The following CASD1 variants were observed in gnomAD, a reference collection of about 807,000 sequenced individuals.
CASD1 encodes N-acetylneuraminate (7)9-O-acetyltransferase.
CASD1 carries 41 observed loss-of-function variants against 100.0 expected under a neutral mutation model. The ratio of observed to expected loss-of-function variants is 0.41; its 90% CI spans 0.32 to 0.53. The LOEUF is 0.53. Among genes scored for constraint, CASD1 ranks in the 20% least tolerant of loss-of-function variants. The pLI is 0.25. For synonymous variants in CASD1, 321 were observed against 315.6 expected, an observed-to-expected ratio of 1.02 and a Z score of -0.18; for missense variants, 774 against 948.7, an observed-to-expected ratio of 0.82 and a Z score of 2.42.
At chr7:94,591,213 G>A in the CASD1 span, among the ~76,000 whole-genome samples, 2 of 152,156 alleles carry the variant, frequency 1.3e-5, no homozygotes, top group Non-Finnish European at 2.9e-5. Flanking sequence ...GAGGGAATAA[G>A]TTCTACATTT....
intron 5 of CASD1, among the ~76,000 whole-genome samples, chr7:94,529,526 C>T (rs1794745636): frequency 6.6e-6 from 1 of 152,120 alleles, no homozygotes; most frequent in African/African-American, 2.4e-5. Flanking sequence ...TTTTCATTCA[C>T]TCAGGAGTAT....
At position 94,537,684 on chromosome 7, in the gene CASD1, A is replaced by G; in HGVS notation, c.1056A>G (p.Glu352=). ...KPCTDLESGE[E]KKNIINTPVS... is the part of the protein sequence containing the mutation. Reference sequence around the variant, plus strand: ...GTACTGATTTGGAAAGTGGAGAGGAAAAGAAAAATATTATCAATACCCCTG... The same window carrying G: ...GTACTGATTTGGAAAGTGGAGAGGAGAAGAAAAATATTATCAATACCCCTG... The change falls in exon 9 of 18, where the codon GAA becomes GAG. Residue 352 remains glutamate, a synonymous_variant. Coordinates refer to ENST00000297273, the MANE Select transcript of CASD1 (RefSeq NM_022900.5). The G allele has an allele frequency of 6.2e-7, 1 of 1,613,804 alleles. No individual in the cohort carries two copies. Among genetic ancestry groups the G allele is most frequent in the Non-Finnish European group, 8.5e-7 (1 of 1,179,804 alleles).
intron 3 of CASD1, chr7:94,524,204 C>T (rs967930994): frequency 6.6e-6 from 1 of 151,692 alleles, no homozygotes. Context: ...ATTCACATAC[C>T]TTAAGATAAA....
At chr7:94,521,384 A>G (rs865984522) in intron 3 of CASD1, among the ~76,000 whole-genome samples, 4 of 152,352 alleles carry the variant, frequency 2.6e-5, no homozygotes, top group African/African-American at 9.6e-5. Flanking sequence ...GTATAAAATA[A>G]TAATATCTTT....
At chr7:94,541,789 T>C (rs1432078634) in intron 10 of CASD1, among the ~76,000 whole-genome samples, 5 of 152,084 alleles carry the variant, frequency 3.3e-5, no homozygotes, top group African/African-American at 1.2e-4. Context: ...AATACTGTTA[T>C]ATTAAATTTC....
the CASD1 span, chr7:94,587,617 A>G: frequency 6.4e-6 from 9 of 1,397,366 alleles, no homozygotes; most frequent in African/African-American, 4.6e-5. Flanking sequence ...TCCTTCATCA[A>G]TCTCCTGAAT....
intron 3 of CASD1, among the ~76,000 whole-genome samples, chr7:94,523,072 A>G (rs1321933761): frequency 6.6e-6 from 1 of 152,234 alleles, no homozygotes; most frequent in Non-Finnish European, 1.5e-5. Flanking sequence ...TTAACCTGAT[A>G]AAAATTGTAG....
the CASD1 span, among the ~76,000 whole-genome samples, chr7:94,607,265 A>C: frequency 1.1e-4 from 17 of 152,304 alleles, no homozygotes; most frequent in South Asian, 2.3e-3. Context: ...TTCTCAGAAG[A>C]CAAAAGCCAA....
rs565284977 is a variant in CASD1, at chr7:94,556,777, A to ATT, written c.*1027_*1028dup. On this transcript the variant is annotated 3_prime_UTR_variant, in exon 18 of 18. Coordinates refer to ENST00000297273, the MANE Select transcript of CASD1 (RefSeq NM_022900.5). ...AATAAATGTTTTTGCTTTTTGTTTG[A>ATT]TTTTTTTTTACAAGCTAACTGTTAG... 1.8e-3 allele frequency: 267 copies of ATT among 151,250 alleles called. 1 individual carries two copies. The highest frequency in any genetic ancestry group is 6.3e-3 in the African/African-American group (260 of 41,268). 9.4% of individuals were successfully genotyped at this position (151,250 alleles called of 1,614,324 possible). A position where few individuals can be genotyped will look rare whatever the true frequency, so the allele number is the denominator to read the frequency against.
At chr7:94,629,325 C>T in the CASD1 span, 1 of 166,832 alleles carries the variant, frequency 6.0e-6, no homozygotes, top group Non-Finnish European at 1.3e-5. Context: ...TTTTTAAAAG[C>T]TCTTACCTAA....
chr7:94,513,287 CAAAAAAAAAA>C (rs766687618), intron 1 of CASD1, among the ~76,000 whole-genome samples: 2 of 63,844 alleles, frequency 3.1e-5, no homozygotes, highest in African/African-American at 8.7e-5. Context: ...GATCGCATCC[CAAAAAAAAAA>C]AAAAAAAAAA....
At chr7:94,603,190 A>G in the CASD1 span, 1 of 908,126 alleles carries the variant, frequency 1.1e-6, no homozygotes, top group East Asian at 2.6e-5. Context: ...GTTAAAGTAA[A>G]CCTAGGATTT....
chr7:94,513,197 G>A (rs989467431), intron 1 of CASD1, among the ~76,000 whole-genome samples: 40 of 150,724 alleles, frequency 2.7e-4, no homozygotes, highest in African/African-American at 9.6e-4. Context: ...GTGGTGGCGG[G>A]CACCTGAATC....
chr7:94,614,129 A>C, the CASD1 span, among the ~76,000 whole-genome samples: 11 of 151,290 alleles, frequency 7.3e-5, no homozygotes, highest in South Asian at 2.1e-4. Flanking sequence ...AAAAAAAAAA[A>C]ACACAGTAAA....
At chr7:94,518,087 G>C (rs1377086842) in intron 2 of CASD1, 116 bp from the exon 3 acceptor site, 3 of 1,006,626 alleles carry the variant, frequency 3.0e-6, no homozygotes, top group Non-Finnish European at 4.3e-6. Flanking sequence ...TGCTTATAAA[G>C]CAATATAATG....
At chr7:94,586,087 A>C in the CASD1 span, among the ~76,000 whole-genome samples, 6 of 145,486 alleles carry the variant, frequency 4.1e-5, no homozygotes, top group East Asian at 6.1e-4. Context: ...AAAAAAAAAA[A>C]CAACAACTTC....
chr7:94,579,051 A>G, the CASD1 span, among the ~76,000 whole-genome samples: 1 of 152,018 alleles, frequency 6.6e-6, no homozygotes, highest in African/African-American at 2.4e-5. Context: ...CTTAGCACCA[A>G]CTAGTACCAG....
the CASD1 span, chr7:94,600,663 G>A: frequency 1.2e-6 from 2 of 1,613,084 alleles, no homozygotes; most frequent in Non-Finnish European, 1.7e-6. Context: ...CCCGTCGGCA[G>A]CACATGATAT....
intron 6 of CASD1, 118 bp downstream of exon 6, chr7:94,533,367 CTATTA>C: frequency 1.4e-6 from 1 of 735,010 alleles, no homozygotes; most frequent in Admixed American, 2.7e-5. Flanking sequence ...ATTCCTACTT[CTATTA>C]TGATTAGATT....
Sources: gnomAD v4.1 joint callset for allele counts (sites outside exome capture counted in the v4.1 genomes callset) on GRCh38, gnomAD v4.1.1 for gene constraint, MANE v1.5 for transcripts, NCBI Gene and HGNC (gene_info 2026-07-23, HGNC 2026-07-21) for gene names.